Variants in KDM6A observed in about 807,000 individuals in gnomAD.
KDM6A encodes lysine demethylase 6A, also known as lysine-specific demethylase 6A.
In KDM6A, 11 loss-of-function variants were observed where a neutral mutation model predicts 117.6. The observed-to-expected ratio is 0.09, with a 90% CI of 0.06 to 0.15. KDM6A has a LOEUF of 0.15. Among genes scored for constraint, KDM6A ranks in the 10% least tolerant of loss-of-function variants. The pLI is 1.00. For synonymous variants in KDM6A, 384 were observed against 396.1 expected (o/e 0.97, Z 0.36); for missense variants, 799 against 1,077.3 (o/e 0.74, Z 3.62).
intron 2 of KDM6A, among the ~76,000 whole-genome samples, chrX:44,884,245 A>G (rs1056490298): frequency 1.8e-5 from 2 of 110,917 alleles, no homozygotes; most frequent in Non-Finnish European, 3.8e-5. Flanking sequence ...GAGAAGCCCC[A>G]TCACTATAGG....
At chrX:44,880,262 TGTA>T (rs201410885) in intron 2 of KDM6A, among the ~76,000 whole-genome samples, 4,954 of 110,031 alleles carry the variant, frequency 0.045, 308 homozygotes, top group African/African-American at 0.16. Context: ...GATTTCATTT[TGTA>T]GTAATATTTA....
At chrX:45,049,430 T>C (rs925178053) in intron 8 of KDM6A, among the ~76,000 whole-genome samples, 2 of 112,255 alleles carry the variant, frequency 1.8e-5, no homozygotes, top group Admixed American at 9.4e-5. Context: ...CTACATTTTC[T>C]TCTCTTAACT....
rs2046776037 is a variant in KDM6A at position 45,111,805 on chromosome X, C to T, written c.*394C>T. The T allele has an allele frequency of 1.1e-5, 2 of 183,113 alleles. No homozygotes were observed. The highest frequency in any genetic ancestry group is 3.0e-5 in the African/African-American group (1 of 33,806). The allele number at this position is 183,113 out of a possible 1,213,427, so 15.1% of individuals were successfully genotyped here. A position where few individuals can be genotyped will look rare whatever the true frequency, so the allele number is the denominator to read the frequency against. ...AAAATACTAGCCTAGCTGGTCATTT[C>T]TTTGTAAGGTAGTTAGCAATTTTAA... is the stretch of plus-strand genomic sequence containing the variant. On this transcript the variant is annotated 3_prime_UTR_variant, in exon 30 of 30. Transcript: ENST00000611820.
At chrX:45,021,995 CT>C (rs939299870) in intron 6 of KDM6A, among the ~76,000 whole-genome samples, 5 of 112,195 alleles carry the variant, frequency 4.5e-5, no homozygotes, top group African/African-American at 1.6e-4. Context: ...ATCAAAGACT[CT>C]TTAAAATGTC....
chrX:45,018,435 T>C (rs1195983749), intron 5 of KDM6A, among the ~76,000 whole-genome samples: 1 of 111,772 alleles, frequency 8.9e-6, no homozygotes, highest in African/African-American at 3.3e-5. Flanking sequence ...CAGTGTGTTT[T>C]TTTAACCTCA....
At chrX:44,962,284 A>G (rs1291500697) in intron 3 of KDM6A, among the ~76,000 whole-genome samples, 1 of 112,098 alleles carries the variant, frequency 8.9e-6, no homozygotes, top group Non-Finnish European at 1.9e-5. Context: ...TTAGTCTGAG[A>G]CAGGCATATT....
chrX:44,947,549 T>C (rs2037719904), intron 2 of KDM6A, among the ~76,000 whole-genome samples: 1 of 109,942 alleles, frequency 9.1e-6, no homozygotes, highest in Middle Eastern at 4.7e-3. Flanking sequence ...CTAATTGTTT[T>C]ATATTTTTAG....
At chrX:45,027,782 GTT>G (rs766247948) in intron 6 of KDM6A, among the ~76,000 whole-genome samples, 30 of 107,827 alleles carry the variant, frequency 2.8e-4, no homozygotes, top group Non-Finnish European at 5.0e-4. Flanking sequence ...AGGCCTAATC[GTT>G]GTTTTTTGGT....
intron 2 of KDM6A, among the ~76,000 whole-genome samples, chrX:44,908,816 G>A (rs975108462): frequency 1.8e-5 from 2 of 112,046 alleles, no homozygotes; most frequent in African/African-American, 6.5e-5. Flanking sequence ...TACTTCTAGG[G>A]TTGCTGTCTT....
At chrX:44,876,970 A>AATATGTATATACACGTATACGC in intron 2 of KDM6A, among the ~76,000 whole-genome samples, 1 of 81,454 alleles carries the variant, frequency 1.2e-5, no homozygotes, top group African/African-American at 1.2e-4. Context: ...CACGTATATG[A>AATATGTATATACACGTATACGC]ATACGTATAT....
At chrX:44,949,666 C>G (rs1394554718) in intron 2 of KDM6A, among the ~76,000 whole-genome samples, 1 of 111,462 alleles carries the variant, frequency 9.0e-6, no homozygotes, top group Admixed American at 9.6e-5. Flanking sequence ...TTTCATGCAA[C>G]CTGAAGTGCT....
At chrX:44,920,699 G>A (rs1376072570) in intron 2 of KDM6A, among the ~76,000 whole-genome samples, 1 of 109,743 alleles carries the variant, frequency 9.1e-6, no homozygotes, top group East Asian at 2.9e-4. Flanking sequence ...GCCTCCTAAA[G>A]TGCTGGGATT....
chrX:44,881,074 AGCATTTCATTGCT>A (rs1304654208), intron 2 of KDM6A, among the ~76,000 whole-genome samples: 46 of 112,223 alleles, frequency 4.1e-4, no homozygotes, highest in African/African-American at 1.4e-3. Context: ...TTTGATCTTT[AGCATTTCATTGCT>A]GACTTTATTT....
intron 4 of KDM6A, among the ~76,000 whole-genome samples, chrX:45,006,735 T>C: frequency 9.0e-6 from 1 of 111,060 alleles, no homozygotes; most frequent in East Asian, 2.8e-4. Flanking sequence ...GGTAAAGGAT[T>C]GAACATACTG....
chrX:44,938,532 C>A (rs891027466), intron 2 of KDM6A, among the ~76,000 whole-genome samples: 4 of 112,250 alleles, frequency 3.6e-5, no homozygotes, highest in Admixed American at 2.8e-4. Context: ...AAGAATCTAT[C>A]TCCATAACAT....
chrX:44,907,751 A>ATTTT (rs67971573), intron 2 of KDM6A, among the ~76,000 whole-genome samples: 2 of 70,541 alleles, frequency 2.8e-5, no homozygotes, highest in African/African-American at 1.1e-4. Flanking sequence ...TCTGGCCTCC[A>ATTTT]TTTTTTTTTT....
intron 4 of KDM6A, among the ~76,000 whole-genome samples, chrX:44,986,482 A>G (rs1314424564): frequency 9.0e-6 from 1 of 110,843 alleles, no homozygotes; most frequent in Non-Finnish European, 1.9e-5. Context: ...TTGCTTCTCT[A>G]GTTCTTTTAA....
intron 1 of KDM6A, 56 bp from the exon 2 acceptor site, chrX:44,873,868 G>T: frequency 8.5e-7 from 1 of 1,180,162 alleles, no homozygotes; most frequent in Non-Finnish European, 1.2e-6. Context: ...CTCGGGCAGG[G>T]ACGGGTCGGT....
intron 2 of KDM6A, among the ~76,000 whole-genome samples, chrX:44,900,952 G>A (rs1415786797): frequency 8.9e-6 from 1 of 112,442 alleles, no homozygotes; most frequent in Non-Finnish European, 1.9e-5. Context: ...ATTTTTCTTT[G>A]ATCCATTAGT....
Sources: gnomAD v4.1 joint callset for allele counts (sites outside exome capture counted in the v4.1 genomes callset) on GRCh38, gnomAD v4.1.1 for gene constraint, MANE v1.5 for transcripts, NCBI Gene and HGNC (gene_info 2026-07-23, HGNC 2026-07-21) for gene names.